Variants in CTBP1 observed in about 807,000 individuals in gnomAD.
CTBP1 encodes C-terminal binding protein 1.
A neutral mutation model predicts 42.1 loss-of-function variants in CTBP1; 11 were observed. The ratio of observed to expected loss-of-function variants is 0.26; its 90% CI spans 0.16 to 0.43. The LOEUF is 0.43. CTBP1 is among the 20% of genes least tolerant of loss of function. The probability of loss-of-function intolerance (pLI) is 1.00; values close to 1 mark genes in which losing one functional copy is unlikely to be tolerated. For missense variants in CTBP1, 399 were observed against 624.3 expected (o/e 0.64, Z 3.85); for synonymous variants, 324 against 277.1 (o/e 1.17, Z -1.68).
At chr4:1,239,111 C>T (rs539759569) in intron 2 of CTBP1, among the ~76,000 whole-genome samples, 1 of 152,270 alleles carries the variant, frequency 6.6e-6, no homozygotes, top group South Asian at 2.1e-4. Flanking sequence ...GTGCCCCTGA[C>T]CTTCCCAGAA....
intron 3 of CTBP1, chr4:1,236,310 G>C: frequency 2.7e-6 from 1 of 367,188 alleles, no homozygotes. Context: ...AGGAGCCTGT[G>C]GGTCTCCTGA....
In CTBP1 at chr4:1,212,834, C is replaced by T. The variant is rs1360172488; in HGVS notation, c.1106+79G>A. ...GTCAGTCAGTGGAGACGCCGCCCCT[C>T]CCACCAGGGGCTGTGCTGGGATCCA... is the stretch of plus-strand genomic sequence containing the variant. On this transcript the variant is annotated intron_variant, in intron 9 of 9. Coordinates refer to ENST00000382952, the MANE Select transcript of CTBP1 (RefSeq NM_001012614.2). The T allele has an allele frequency of 2.4e-6, 3 of 1,268,460 alleles. No homozygotes were observed. The African/African-American group carries it at 4.4e-5, about 19-fold the overall frequency. The allele number at this position is 1,268,460 out of a possible 1,614,324, so 78.6% of individuals were successfully genotyped here. A position where few individuals can be genotyped will look rare whatever the true frequency, so the allele number is the denominator to read the frequency against.
chr4:1,225,486 G>T lies in CTBP1; in HGVS notation c.388C>A (p.Arg130=). 6.5e-7 allele frequency: 1 copy of T among 1,546,020 alleles called. No individual in the cohort carries two copies. ...STLCHILNLY[R]RATWLHQALR... ...GCCTGGTGCAGCCAGGTGGCCCGCC[G>T]GTACAGGTTCAGGATGTGGCACAGC... The change falls in exon 5 of 10, where the codon CGG becomes AGG. Residue 130 remains arginine, a synonymous_variant. Coordinates refer to ENST00000382952, the MANE Select transcript of CTBP1 (RefSeq NM_001012614.2).
chr4:1,247,770 G>T (rs1056202677), intron 1 of CTBP1, among the ~76,000 whole-genome samples: 3 of 135,172 alleles, frequency 2.2e-5, no homozygotes, highest in African/African-American at 7.8e-5. Flanking sequence ...GCCGGGGAGG[G>T]GGGGGGGGCT....
intron 4 of CTBP1, among the ~76,000 whole-genome samples, chr4:1,225,811 G>A (rs182240244): frequency 2.0e-5 from 3 of 152,208 alleles, no homozygotes; most frequent in African/African-American, 4.8e-5. Flanking sequence ...GCAACTGCTC[G>A]GTGTGTGGTA....
chr4:1,243,288 C>G (rs915697814), intron 1 of CTBP1: 1 of 985,322 alleles, frequency 1.0e-6, no homozygotes, highest in African/African-American at 1.7e-5. Flanking sequence ...GAAGGCCACC[C>G]TGGCCCTCCT....
intron 5 of CTBP1, among the ~76,000 whole-genome samples, chr4:1,219,631 G>A (rs1465369329): frequency 6.6e-6 from 1 of 152,232 alleles, no homozygotes; most frequent in Admixed American, 6.5e-5. Flanking sequence ...AAGGTACAGA[G>A]ATCAGAAAGG....
At chr4:1,246,644 A>G (rs748277898) in intron 1 of CTBP1, among the ~76,000 whole-genome samples, 4 of 152,218 alleles carry the variant, frequency 2.6e-5, no homozygotes, top group African/African-American at 9.6e-5. Flanking sequence ...ACCAGGTCAC[A>G]TTCTGGGGGT....
intron 1 of CTBP1, chr4:1,243,864 C>T (rs1732440925): frequency 8.1e-6 from 8 of 985,360 alleles, no homozygotes; most frequent in African/African-American, 1.7e-5. Context: ...GCTCTCAGCC[C>T]AGCGACACGA....
In CTBP1 at chr4:1,214,360, G is replaced by C. The variant is rs746419297; in HGVS notation, c.843C>G (p.His281Gln). 6.4e-7 allele frequency: 1 copy of C among 1,567,078 alleles called. No homozygotes were observed. The highest frequency in any genetic ancestry group is 1.4e-5 in the African/African-American group (1 of 71,622). Residue 281 changes from histidine to glutamine, a missense_variant, in exon 7 of 10, where the codon CAC (histidine) becomes CAG (glutamine). By Grantham distance (24) the His-to-Gln change is conservative. Around this residue, in one of 4 missense-constraint regions of CTBP1, gnomAD observed 309 missense variants for 497.5 expected, o/e 0.62. Coordinates refer to ENST00000382952, the MANE Select transcript of CTBP1 (RefSeq NM_001012614.2). ...GGGGGCACCTGAAGGGTTCCGACTC[G>C]TGCACATCCAGGGCCGCGCCGCGGA... ...GRIRGAALDV[H>Q]ESEPFSFSQG...
At position 1,238,166 on chromosome 4, in the gene CTBP1, C is replaced by T. The variant is rs556601500; in HGVS notation, c.162+17G>A. On this transcript the variant is annotated intron_variant, in intron 3 of 9. Coordinates refer to ENST00000382952, the MANE Select transcript of CTBP1 (RefSeq NM_001012614.2). The surrounding 1 kb of genome is among the most constrained non-coding windows in gnomAD (Gnocchi z 5.9). The stretch of plus-strand genomic sequence containing the variant: ...AACGTGCGGTTCTGCCAGCCCCAGG[C>T]GACCACGTGGTGGTACCTTCTCATG... 2.2e-5 allele frequency: 35 copies of T among 1,612,540 alleles called. 1 individual carries two copies. In the Admixed American group the frequency reaches 3.2e-4, roughly 15 times the overall value.
In CTBP1 at chr4:1,212,235, C is replaced by T. The variant is rs552180452; in HGVS notation, c.*5G>A. The T allele has an allele frequency of 2.0e-6, 3 of 1,463,540 alleles. No individual in the cohort carries two copies. The African/African-American group carries it at 4.4e-5, about 22-fold the overall frequency. The allele number at this position is 1,463,540 out of a possible 1,614,324, so 90.7% of individuals were successfully genotyped here. On this transcript the variant is annotated 3_prime_UTR_variant, in exon 10 of 10. Coordinates refer to ENST00000382952, the MANE Select transcript of CTBP1 (RefSeq NM_001012614.2). ...AGGCGCCGAGGCTGGAGAGCTCCTC[C>T]CGGGCTACAACTGGTCACTGGCGTG...
In CTBP1 at chr4:1,211,539, C is replaced by T. The variant is rs1310472454; in HGVS notation, c.*701G>A. On this transcript the variant is annotated 3_prime_UTR_variant, in exon 10 of 10. Coordinates refer to ENST00000382952, the MANE Select transcript of CTBP1 (RefSeq NM_001012614.2). ...TAACCAAAATATTGCTAGCCTACCA[C>T]ATCAGCAGGACGGCACTGGTGCAGG... 1 of 152,508 alleles carries T rather than the reference C, an allele frequency of 6.6e-6. No individual in the cohort carries two copies. Among genetic ancestry groups the T allele is most frequent in the Non-Finnish European group, 1.5e-5 (1 of 68,040 alleles). 9.4% of individuals were successfully genotyped at this position (152,508 alleles called of 1,614,324 possible). A position where few individuals can be genotyped will look rare whatever the true frequency, so the allele number is the denominator to read the frequency against.
At position 1,216,221 on chromosome 4, in the gene CTBP1, C is replaced by G; in HGVS notation, c.515-16G>C. On this transcript the variant is annotated splice_polypyrimidine_tract_variant and intron_variant, in intron 5 of 9. Transcript: ENST00000382952. The stretch of plus-strand genomic sequence containing the variant: ...CCCACGCGACCTGGTGGCGTCAAGA[C>G]ACAGTGTGAGACCCTTGCTCACCCG... 1.2e-6 allele frequency: 2 copies of G among 1,605,614 alleles called. No individual in the cohort carries two copies. Among genetic ancestry groups the G allele is most frequent in the South Asian group, 1.1e-5 (1 of 90,564 alleles).
Position 1,216,060 on chromosome 4 carries a change from G to A in CTBP1, c.660C>T (p.Asp220=), listed in dbSNP as rs757966374. Residue 220 remains aspartate, a synonymous_variant, in exon 6 of 10, where the codon GAC becomes GAT. Coordinates refer to ENST00000382952, the MANE Select transcript of CTBP1 (RefSeq NM_001012614.2). ...TGAGGCCGCAGTGCAGGGTCACGCA[G>A]TCGCTGTGGAAGAGCAGGTCCTGCA... ...STLQDLLFHS[D]CVTLHCGLNE... is the part of the protein sequence containing the mutation. 63 of 1,611,604 alleles carry A rather than the reference G, an allele frequency of 3.9e-5. No individual in the cohort carries two copies. Among genetic ancestry groups the A allele is most frequent in the Non-Finnish European group, 5.0e-5 (59 of 1,179,908 alleles).
At chr4:1,247,893 C>A (rs926578903) in intron 1 of CTBP1, among the ~76,000 whole-genome samples, 9 of 152,210 alleles carry the variant, frequency 5.9e-5, no homozygotes, top group Non-Finnish European at 1.3e-4. Context: ...AGGGCGCGAC[C>A]GCCTTCCCTT....
At chr4:1,214,240 G>C in intron 7 of CTBP1, 103 bp downstream of exon 7, 1 of 1,364,562 alleles carries the variant, frequency 7.3e-7, no homozygotes, top group Non-Finnish European at 9.6e-7. Context: ...AGAGGCCTGA[G>C]TACAGGCAAG....
rs1259517720 is a variant in CTBP1 at position 1,238,089 on chromosome 4, C to A, written c.162+94G>T. ...AGGCTGCTCCTGCCCCAGTGGCACC[C>A]AGACCTGCTGTGGCCCGGGCCTGCC... On this transcript the variant is annotated intron_variant, in intron 3 of 9. Transcript: ENST00000382952. The surrounding 1 kb of genome is among the most constrained non-coding windows in gnomAD (Gnocchi z 5.9). The A allele has an allele frequency of 6.5e-7, 1 of 1,548,020 alleles. No homozygotes were observed. Among genetic ancestry groups the A allele is most frequent in the South Asian group, 1.1e-5 (1 of 89,944 alleles).
upstream of CTBP1, chr4:1,249,466 C>G (rs1733124742): frequency 7.1e-6 from 1 of 140,086 alleles, no homozygotes; most frequent in Admixed American, 7.3e-5. Context: ...CTGGCGCGGG[C>G]CCGAACGTAA....
Sources: allele counts gnomAD v4.1 joint callset (sites outside exome capture counted in the v4.1 genomes callset), GRCh38; gene constraint gnomAD v4.1.1; regional missense constraint gnomAD v4.1.1; non-coding constraint Gnocchi (gnomAD v3.1); transcripts MANE v1.5; gene names NCBI Gene and HGNC (gene_info 2026-07-23, HGNC 2026-07-21).